RIMS2: variants seen among roughly 807,000 people sequenced by gnomAD.
RIMS2 encodes regulating synaptic membrane exocytosis 2, also known as regulating synaptic membrane exocytosis protein 2.
A neutral mutation model predicts 174.4 loss-of-function variants in RIMS2; 59 were observed. The ratio of observed to expected loss-of-function variants is 0.34; its 90% CI spans 0.27 to 0.42. The LOEUF (loss-of-function observed/expected upper bound fraction) is 0.42, where lower values mean the gene tolerates loss of function less well. RIMS2 is among the 10% of genes least tolerant of loss of function. The pLI, the probability that RIMS2 is intolerant of heterozygous loss-of-function variation, is 1.00. For missense variants in RIMS2, 1,620 were observed against 1,666.3 expected (o/e 0.97, Z 0.48); for synonymous variants, 606 against 572.5 (o/e 1.06, Z -0.84).
At chr8:103,504,731 T>C (rs925202151) in intron 1 of RIMS2, among the ~76,000 whole-genome samples, 1 of 152,056 alleles carries the variant, frequency 6.6e-6, no homozygotes, top group Non-Finnish European at 1.5e-5. Context: ...AGCACATATA[T>C]AGTGAGCAGT....
rs149702470 is a variant in RIMS2 at position 103,513,281 on chromosome 8, A to T, written c.176+12219A>T. 6.1e-3 allele frequency among the ~76,000 whole-genome samples: 935 copies of T among 152,222 alleles called. 12 individuals are homozygous for T. The highest frequency in any genetic ancestry group is 0.021 in the African/African-American group (885 of 41,520). On this transcript the variant is annotated intron_variant, in intron 1 of 23. Transcript: ENST00000504942. ...ATAGGGGATAGAAAACGAGATTTAG[A>T]TATTTGGATAATAGTCCTGGCTCCA...
At chr8:103,957,732 T>G (rs2087942220) in intron 14 of RIMS2, among the ~76,000 whole-genome samples, 1 of 152,158 alleles carries the variant, frequency 6.6e-6, no homozygotes, top group Non-Finnish European at 1.5e-5. Flanking sequence ...GTTGTTCACA[T>G]GTACCCCAGA....
chr8:103,788,513 T>G (rs1375331234), intron 3 of RIMS2, among the ~76,000 whole-genome samples: 1 of 150,690 alleles, frequency 6.6e-6, no homozygotes, highest in Non-Finnish European at 1.5e-5. Flanking sequence ...GCTGCAGGTC[T>G]GTTGGAATAC....
chr8:103,674,000 A>G (rs540487444), intron 1 of RIMS2, among the ~76,000 whole-genome samples: 1 of 152,206 alleles, frequency 6.6e-6, no homozygotes, highest in East Asian at 1.9e-4. Context: ...CTTCCTTCAG[A>G]TACCCTAGGT....
chr8:103,527,532 C>T (rs1031703180), intron 1 of RIMS2, among the ~76,000 whole-genome samples: 4 of 151,860 alleles, frequency 2.6e-5, no homozygotes, highest in South Asian at 2.1e-4. Context: ...TAATGCTATC[C>T]GTCCCCCATC....
intron 19 of RIMS2, among the ~76,000 whole-genome samples, chr8:104,027,135 A>G (rs1028263226): frequency 6.6e-6 from 1 of 152,120 alleles, no homozygotes; most frequent in African/African-American, 2.4e-5. Context: ...AAGAGGAGAA[A>G]CTGAGGGCAT....
At chr8:103,823,572 G>A (rs1187416292) in intron 3 of RIMS2, among the ~76,000 whole-genome samples, 1 of 151,906 alleles carries the variant, frequency 6.6e-6, no homozygotes, top group Non-Finnish European at 1.5e-5. Context: ...AATATTTTAA[G>A]TAAAATCTGA....
rs71575988 is a variant in RIMS2 at position 103,967,170 on chromosome 8, G to GTTTTTTTTTT, written c.2770+6058_2770+6067dup. 3.8e-3 allele frequency among the ~76,000 whole-genome samples: 96 copies of GTTTTTTTTTT among 24,968 alleles called. 23 individuals are homozygous for GTTTTTTTTTT. The highest frequency in any genetic ancestry group is 9.9e-3 in the African/African-American group (47 of 4,742). The allele number at this position is 24,968 out of a possible 152,430, so 16.4% of individuals were successfully genotyped here. A position where few individuals can be genotyped will look rare whatever the true frequency, so the allele number is the denominator to read the frequency against. On this transcript the variant is annotated intron_variant, in intron 15 of 23. Transcript: ENST00000504942. ...TTTTCTGCCTGCTTGATCTGTTCTT[G>GTTTTTTTTTT]TTTTTTTTTTTTTTTTTTTTTTTTT... is the stretch of plus-strand genomic sequence containing the variant.
chr8:103,851,978 T>A (rs1318018904), intron 3 of RIMS2, among the ~76,000 whole-genome samples: 1 of 151,786 alleles, frequency 6.6e-6, no homozygotes, highest in Non-Finnish European at 1.5e-5. Flanking sequence ...ATGCTGCAAA[T>A]CGTACTCGGG....
chr8:104,067,447 G>A (rs145564405), intron 19 of RIMS2, among the ~76,000 whole-genome samples: 51 of 152,156 alleles, frequency 3.4e-4, no homozygotes, highest in African/African-American at 1.2e-3. Context: ...CCAACCTGTA[G>A]TGCAGTGGTA....
intron 3 of RIMS2, among the ~76,000 whole-genome samples, chr8:103,795,966 C>T (rs564644751): frequency 6.6e-6 from 1 of 152,306 alleles, no homozygotes; most frequent in East Asian, 1.9e-4. Flanking sequence ...TTGTCATCCC[C>T]TAGCCCATCT....
intron 3 of RIMS2, among the ~76,000 whole-genome samples, chr8:103,876,864 T>TTTTATATATATATATATATA (rs1378279723): frequency 1.5e-5 from 1 of 68,100 alleles, no homozygotes; most frequent in Non-Finnish European, 3.1e-5. Context: ...ACACACTATT[T>TTTTATATATATATATATATA]TATATATATA....
intron 4 of RIMS2, among the ~76,000 whole-genome samples, chr8:103,894,374 A>G (rs2099265313): frequency 6.6e-6 from 1 of 151,442 alleles, no homozygotes; most frequent in Non-Finnish European, 1.5e-5. Flanking sequence ...ATACAAAGAA[A>G]CCTCCGTATT....
chr8:103,702,754 C>T (rs1271498581), intron 2 of RIMS2, among the ~76,000 whole-genome samples: 3 of 151,548 alleles, frequency 2.0e-5, no homozygotes, highest in African/African-American at 7.3e-5. Flanking sequence ...CTGTTCTTTT[C>T]CCTGGGTCTA....
rs144094451 is a variant in RIMS2 at position 103,529,833 on chromosome 8, T to C, written c.176+28771T>C. Among the ~76,000 whole-genome samples, 26 of 152,384 alleles carry C rather than the reference T, an allele frequency of 1.7e-4. No homozygotes were observed. In the East Asian group the frequency reaches 4.0e-3, roughly 24 times the overall value. On this transcript the variant is annotated intron_variant, in intron 1 of 23. Coordinates refer to ENST00000504942, the Ensembl canonical transcript of RIMS2. ...GTAGATTCTATGTAAATAGTTGTTA[T>C]ACAATATTTTTAAATAAATATTACT...
chr8:103,527,840 G>A (rs567004359), intron 1 of RIMS2, among the ~76,000 whole-genome samples: 7 of 152,156 alleles, frequency 4.6e-5, no homozygotes, highest in East Asian at 1.9e-4. Context: ...GAATAGTGCC[G>A]CAGTAAACAT....
intron 1 of RIMS2, among the ~76,000 whole-genome samples, chr8:103,618,872 G>T (rs1434714003): frequency 6.6e-6 from 1 of 152,050 alleles, no homozygotes; most frequent in Admixed American, 6.6e-5. Context: ...TTTCACTCGT[G>T]GTTGCTAAGC....
intron 14 of RIMS2, among the ~76,000 whole-genome samples, chr8:103,953,264 C>G (rs1020130964): frequency 6.6e-6 from 1 of 152,166 alleles, no homozygotes; most frequent in Non-Finnish European, 1.5e-5. Flanking sequence ...CACAAAGATA[C>G]TCCTTGAGAA....
chr8:103,625,907 A>G (rs897231552), intron 1 of RIMS2, among the ~76,000 whole-genome samples: 3 of 151,680 alleles, frequency 2.0e-5, no homozygotes, highest in African/African-American at 7.3e-5. Context: ...ATGTGTGTAT[A>G]TATTATATAT....
Sources: gnomAD v4.1 joint callset for allele counts (sites outside exome capture counted in the v4.1 genomes callset) on GRCh38, gnomAD v4.1.1 for gene constraint, MANE v1.5 for transcripts, NCBI Gene and HGNC (gene_info 2026-07-23, HGNC 2026-07-21) for gene names.